CREB5: variants seen among roughly 807,000 people sequenced by gnomAD.
The protein encoded by CREB5 is cAMP responsive element binding protein 5, also known as cyclic AMP-responsive element-binding protein 5.
In CREB5, 19 loss-of-function variants were observed where a neutral mutation model predicts 57.1. The observed-to-expected ratio is 0.33, with a 90% CI of 0.23 to 0.49. The LOEUF is 0.49. Ranked by LOEUF, CREB5 falls within the 20% of genes least tolerant of loss-of-function variation. CREB5 has a pLI of 0.99. For synonymous variants in CREB5, 238 were observed against 238.3 expected (o/e 1.00, Z 0.01); for missense variants, 579 against 671.6 (o/e 0.86, Z 1.52).
chr7:28,673,244 G>T (rs928271416), intron 5 of CREB5, among the ~76,000 whole-genome samples: 2 of 152,156 alleles, frequency 1.3e-5, no homozygotes, highest in African/African-American at 4.8e-5. Context: ...AGGGCCTTTT[G>T]GGTCTAACAC....
intron 1 of CREB5, among the ~76,000 whole-genome samples, chr7:28,396,573 A>G (rs1384897704): frequency 6.6e-6 from 1 of 152,204 alleles, no homozygotes; most frequent in Non-Finnish European, 1.5e-5. Context: ...TATTATTTGT[A>G]TAGTCATGAT....
Position 28,560,913 on chromosome 7 carries a change from T to TGCGC in CREB5, c.292-9449_292-9448insCGCG, listed in dbSNP as rs1491222075. On this transcript the variant is annotated intron_variant, in intron 4 of 10. Coordinates refer to ENST00000357727, the MANE Select transcript of CREB5 (RefSeq NM_182898.4). ...GTGTGTGTGCGTGCGCGCGTGCGTG[T>TGCGC]GCGTGTGTGCGCGTGCGTGTGTGCG... is the stretch of plus-strand genomic sequence containing the variant. Among the ~76,000 whole-genome samples the TGCGC allele has an allele frequency of 9.5e-4, 21 of 21,996 alleles. 3 individuals are homozygous for TGCGC. Among genetic ancestry groups the TGCGC allele is most frequent in the South Asian group, 2.9e-3 (1 of 340 alleles). 14.4% of individuals were successfully genotyped at this position (21,996 alleles called of 152,430 possible). A position where few individuals can be genotyped will look rare whatever the true frequency, so the allele number is the denominator to read the frequency against.
At chr7:28,401,325 C>T (rs1054517524) in intron 1 of CREB5, among the ~76,000 whole-genome samples, 2 of 151,822 alleles carry the variant, frequency 1.3e-5, no homozygotes, top group African/African-American at 4.8e-5. Flanking sequence ...CCATTAGCAG[C>T]CAATGGTCTT....
At chr7:28,538,204 C>T (rs558707569) in intron 4 of CREB5, among the ~76,000 whole-genome samples, 3 of 152,306 alleles carry the variant, frequency 2.0e-5, no homozygotes, top group South Asian at 4.1e-4. Flanking sequence ...CAGACACTCC[C>T]CACCACGCCC....
intron 7 of CREB5, among the ~76,000 whole-genome samples, chr7:28,771,360 G>A (rs910179661): frequency 1.4e-4 from 21 of 152,120 alleles, no homozygotes; most frequent in African/African-American, 4.6e-4. Flanking sequence ...CTCATCAAGG[G>A]AGCCACCTTA....
chr7:28,658,961 A>ATATATATATATATATGTG (rs1562554624), intron 5 of CREB5, among the ~76,000 whole-genome samples: 3 of 136,822 alleles, frequency 2.2e-5, no homozygotes, highest in East Asian at 2.1e-4. Context: ...GTGTATATAT[A>ATATATATATATATATGTG]TATATATATA....
chr7:28,543,578 TAAAAAAAAA>T, intron 4 of CREB5, among the ~76,000 whole-genome samples: 1 of 92,316 alleles, frequency 1.1e-5, no homozygotes, highest in Non-Finnish European at 2.2e-5. Context: ...TCATTTTAGG[TAAAAAAAAA>T]AAAAAAAAAA....
intron 7 of CREB5, among the ~76,000 whole-genome samples, chr7:28,760,915 GCTAA>G (rs893253271): frequency 1.3e-5 from 2 of 152,060 alleles, no homozygotes; most frequent in Admixed American, 1.3e-4. Context: ...CTTTGAAAAT[GCTAA>G]CTAATTAATC....
chr7:28,681,923 A>G (rs930103922), intron 5 of CREB5, among the ~76,000 whole-genome samples: 3 of 152,234 alleles, frequency 2.0e-5, no homozygotes, highest in Non-Finnish European at 2.9e-5. Flanking sequence ...AAAAAACACT[A>G]TAGGAAGCAG....
intron 1 of CREB5, among the ~76,000 whole-genome samples, chr7:28,306,063 A>G (rs1785176056): frequency 6.6e-6 from 1 of 152,096 alleles, no homozygotes; most frequent in African/African-American, 2.4e-5. Context: ...AACCAATGCT[A>G]CAGTTATTCC....
At chr7:28,404,321 T>G (rs1378132888) in intron 1 of CREB5, among the ~76,000 whole-genome samples, 1 of 152,178 alleles carries the variant, frequency 6.6e-6, no homozygotes, top group Non-Finnish European at 1.5e-5. Context: ...TGCCATTGGT[T>G]TTTTTTGCAT....
At chr7:28,725,098 C>T (rs1803261329) in intron 7 of CREB5, among the ~76,000 whole-genome samples, 1 of 152,208 alleles carries the variant, frequency 6.6e-6, no homozygotes, top group Admixed American at 6.5e-5. Context: ...TATCACATGA[C>T]TGCAAAATAC....
intron 5 of CREB5, among the ~76,000 whole-genome samples, chr7:28,681,973 G>A (rs1189226904): frequency 7.9e-5 from 12 of 152,318 alleles, no homozygotes; most frequent in Non-Finnish European, 1.8e-4. Flanking sequence ...AATGGCTCTT[G>A]TGACCTCTTA....
At chr7:28,550,361 C>T (rs980754219) in intron 4 of CREB5, among the ~76,000 whole-genome samples, 1 of 152,186 alleles carries the variant, frequency 6.6e-6, no homozygotes, top group Admixed American at 6.5e-5. Context: ...GTCTCCCAGA[C>T]CCCTAGATGC....
At chr7:28,629,810 T>A (rs545360156) in intron 5 of CREB5, among the ~76,000 whole-genome samples, 2 of 152,234 alleles carry the variant, frequency 1.3e-5, no homozygotes, top group Non-Finnish European at 2.9e-5. Context: ...GAAGGCTCTT[T>A]CCTGTATTGA....
intron 5 of CREB5, among the ~76,000 whole-genome samples, chr7:28,575,826 G>A (rs1795888731): frequency 6.6e-6 from 1 of 152,086 alleles, no homozygotes; most frequent in Non-Finnish European, 1.5e-5. Flanking sequence ...TTAACCATAT[G>A]GCTCCCGTTA....
intron 1 of CREB5, among the ~76,000 whole-genome samples, chr7:28,472,997 C>T (rs1261804473): frequency 1.3e-5 from 2 of 152,172 alleles, no homozygotes; most frequent in Non-Finnish European, 2.9e-5. Flanking sequence ...AGTCTTCAAA[C>T]AGCTCATATG....
At chr7:28,360,232 A>C (rs1786447390) in intron 1 of CREB5, among the ~76,000 whole-genome samples, 1 of 152,210 alleles carries the variant, frequency 6.6e-6, no homozygotes, top group Non-Finnish European at 1.5e-5. Flanking sequence ...ATATCTAAAC[A>C]ATTGGAAATC....
chr7:28,495,095 T>C, intron 3 of CREB5, 96 bp downstream of exon 3: 1 of 736,372 alleles, frequency 1.4e-6, no homozygotes, highest in Non-Finnish European at 2.1e-6. Flanking sequence ...ACTGGTAAAT[T>C]GTGCACCTTG....
Sources: gnomAD v4.1 joint callset for allele counts (sites outside exome capture counted in the v4.1 genomes callset) on GRCh38, gnomAD v4.1.1 for gene constraint, MANE v1.5 for transcripts, NCBI Gene and HGNC (gene_info 2026-07-23, HGNC 2026-07-21) for gene names.